The following ACSL6 variants were observed in gnomAD, a reference collection of about 807,000 sequenced individuals.
ACSL6 encodes acyl-CoA synthetase long chain family member 6, also known as long-chain-fatty-acid--CoA ligase 6.
Under a neutral mutation model 98.2 loss-of-function variants are expected in ACSL6, and 47 were observed. The observed-to-expected ratio is 0.48, with a 90% CI of 0.38 to 0.61. The LOEUF (loss-of-function observed/expected upper bound fraction) is 0.61, where lower values mean the gene tolerates loss of function less well. Among genes scored for constraint, ACSL6 ranks in the 20% least tolerant of loss-of-function variants. The probability of loss-of-function intolerance (pLI) is 0.00; values close to 1 mark genes in which losing one functional copy is unlikely to be tolerated. For synonymous variants in ACSL6, 362 were observed against 336.9 expected (o/e 1.07, Z -0.82); for missense variants, 761 against 913.4 (o/e 0.83, Z 2.15).
At chr5:131,989,782 C>T (rs998562525) in intron 4 of ACSL6, among the ~76,000 whole-genome samples, 6 of 151,984 alleles carry the variant, frequency 3.9e-5, no homozygotes, top group East Asian at 1.9e-4. Context: ...TTAGTAGAGA[C>T]GGAGTTTCAC....
At chr5:131,974,822 G>A (rs750987392) in intron 11 of ACSL6, 71 bp downstream of exon 11, 8 of 1,613,464 alleles carry the variant, frequency 5.0e-6, no homozygotes, top group Non-Finnish European at 6.8e-6. Flanking sequence ...CGCACAAGTG[G>A]GAGCCCACTG....
chr5:131,988,347 GTAAA>G (rs1333819166), intron 6 of ACSL6, 121 bp from the exon 7 acceptor site: 1 of 1,323,358 alleles, frequency 7.6e-7, no homozygotes, highest in East Asian at 2.3e-5. Context: ...TAGCTTATGT[GTAAA>G]TAAATACATA....
At chr5:131,967,284 C>G (rs150828509) in intron 16 of ACSL6, among the ~76,000 whole-genome samples, 3 of 152,202 alleles carry the variant, frequency 2.0e-5, no homozygotes, top group Non-Finnish European at 4.4e-5. Context: ...GAGTTCGAGG[C>G]TATGGTCTCG....
At chr5:131,970,272 C>T (rs866554493) in intron 14 of ACSL6, 72 bp from the exon 15 acceptor site, 1 of 1,380,390 alleles carries the variant, frequency 7.2e-7, no homozygotes, top group African/African-American at 1.4e-5. Context: ...CCCTTCCAGA[C>T]AGCTAACCTC....
At chr5:131,994,995 G>A (rs923919862) in intron 1 of ACSL6, among the ~76,000 whole-genome samples, 8 of 152,206 alleles carry the variant, frequency 5.3e-5, no homozygotes, top group African/African-American at 1.9e-4. Context: ...AGGAGAGCAG[G>A]TGTTAACCTG....
At chr5:131,960,248 C>T (rs1031313646) in intron 19 of ACSL6, among the ~76,000 whole-genome samples, 1 of 151,710 alleles carries the variant, frequency 6.6e-6, no homozygotes, top group African/African-American at 2.4e-5. Context: ...CTGGACTCTC[C>T]TCTAAGCCAC....
intron 20 of ACSL6, among the ~76,000 whole-genome samples, chr5:131,955,553 G>A (rs915719287): frequency 6.6e-6 from 1 of 152,248 alleles, no homozygotes; most frequent in Non-Finnish European, 1.5e-5. Flanking sequence ...ATAGAAGTGG[G>A]GTTTAGATAG....
At chr5:131,967,392 G>T (rs1028072332) in intron 16 of ACSL6, among the ~76,000 whole-genome samples, 1 of 151,968 alleles carries the variant, frequency 6.6e-6, no homozygotes, top group African/African-American at 2.4e-5. Context: ...GGCCAGGCAC[G>T]GTGGCTCACG....
At chr5:132,007,210 A>T (rs181937057) in intron 1 of ACSL6, among the ~76,000 whole-genome samples, 44 of 151,990 alleles carry the variant, frequency 2.9e-4, no homozygotes, top group African/African-American at 1.1e-3. Flanking sequence ...TTCTACCCAC[A>T]CCTCCTTGAC....
intron 17 of ACSL6, among the ~76,000 whole-genome samples, chr5:131,965,620 C>T (rs1166358238): frequency 1.3e-5 from 2 of 151,972 alleles, no homozygotes; most frequent in African/African-American, 4.8e-5. Context: ...TGCTGGGGAG[C>T]CTGAGGCAGG....
intron 20 of ACSL6, among the ~76,000 whole-genome samples, chr5:131,957,032 C>T (rs1580619975): frequency 6.6e-6 from 1 of 152,212 alleles, no homozygotes; most frequent in African/African-American, 2.4e-5. Context: ...TCAAAATTGT[C>T]CATTTATGCC....
chr5:131,957,482 T>C lies in ACSL6; in HGVS notation c.2031+2054A>G, dbSNP rs971618659. Among the ~76,000 whole-genome samples, 5 of 152,364 alleles carry C rather than the reference T, an allele frequency of 3.3e-5. No homozygotes were observed. In the South Asian group the frequency reaches 1.0e-3, roughly 32 times the overall value. ...TCTTCCAAAGATCTCCATAAATTAA[T>C]AATGGTTGGCCTAGTTCTAGGAATT... On this transcript the variant is annotated intron_variant, in intron 20 of 20. Transcript: ENST00000651883.
chr5:132,009,344 G>A (rs928788156), intron 1 of ACSL6, among the ~76,000 whole-genome samples: 1 of 152,178 alleles, frequency 6.6e-6, no homozygotes, highest in African/African-American at 2.4e-5. Flanking sequence ...GTTACTGGCT[G>A]AGTGGAAGGG....
chr5:131,963,225 G>A (rs1471869062), intron 17 of ACSL6, among the ~76,000 whole-genome samples: 1 of 152,174 alleles, frequency 6.6e-6, no homozygotes, highest in Non-Finnish European at 1.5e-5. Context: ...TAGGAGCCCA[G>A]GCCCCTGTAG....
Position 131,953,933 on chromosome 5 carries a change from T to C in ACSL6, c.*301A>G, listed in dbSNP as rs754222405. 15 of 236,460 alleles carry C rather than the reference T, an allele frequency of 6.3e-5. No homozygotes were observed. The highest frequency in any genetic ancestry group is 1.2e-4 in the Non-Finnish European group (14 of 121,492). 14.6% of individuals were successfully genotyped at this position (236,460 alleles called of 1,614,324 possible). On this transcript the variant is annotated 3_prime_UTR_variant, in exon 21 of 21. Coordinates refer to ENST00000651883, the MANE Select transcript of ACSL6 (RefSeq NM_001009185.3). ...TTTTCCTTTATGTTTAATAGTTCTG[T>C]GAACATTGACAATATATTACTTTTA...
Position 131,954,220 on chromosome 5 carries a change from A to C in ACSL6, c.*14T>G. On this transcript the variant is annotated 3_prime_UTR_variant, in exon 21 of 21. Transcript: ENST00000651883. ...TAGACAGTTCATTACACTGAGAAGA[A>C]CTTTCCTTGAACTTCACATGGAGAT... The C allele has an allele frequency of 6.2e-7, 1 of 1,606,826 alleles. No individual in the cohort carries two copies. The highest frequency in any genetic ancestry group is 8.5e-7 in the Non-Finnish European group (1 of 1,177,822).
At chr5:131,969,537 C>T (rs889043610) in intron 15 of ACSL6, among the ~76,000 whole-genome samples, 5 of 151,892 alleles carry the variant, frequency 3.3e-5, no homozygotes, top group Admixed American at 6.6e-5. Context: ...TAATAGATCA[C>T]AAGATACAAC....
At position 131,991,375 on chromosome 5, in the gene ACSL6, T is replaced by C. The variant is rs556168993; in HGVS notation, c.271-408A>G. On this transcript the variant is annotated intron_variant, in intron 2 of 20. Coordinates refer to ENST00000651883, the MANE Select transcript of ACSL6 (RefSeq NM_001009185.3). ...GAACAACCTGCCAAGGTATCTCCCA[T>C]CCCATCATCTACTGCTATGCCCCTG... Among the ~76,000 whole-genome samples, 20 of 152,288 alleles carry C rather than the reference T, an allele frequency of 1.3e-4. No homozygotes were observed. The South Asian group carries it at 3.5e-3, about 27-fold the overall frequency.
At chr5:131,966,775 T>C (rs908433259) in intron 16 of ACSL6, among the ~76,000 whole-genome samples, 8 of 152,332 alleles carry the variant, frequency 5.3e-5, no homozygotes, top group African/African-American at 1.7e-4. Flanking sequence ...CTTTGTCATC[T>C]CTTCTCCCTC....
Sources: allele counts gnomAD v4.1 joint callset (sites outside exome capture counted in the v4.1 genomes callset), GRCh38; gene constraint gnomAD v4.1.1; transcripts MANE v1.5; gene names NCBI Gene and HGNC (gene_info 2026-07-23, HGNC 2026-07-21).